The following FRMD4B variants were observed in gnomAD, a reference collection of about 807,000 sequenced individuals.
The protein encoded by FRMD4B is FERM domain containing 4B.
FRMD4B carries 74 observed loss-of-function variants against 141.5 expected under a neutral mutation model. The observed-to-expected ratio is 0.52, with a 90% CI of 0.43 to 0.63. The LOEUF (loss-of-function observed/expected upper bound fraction) is 0.63. Among genes scored for constraint, FRMD4B ranks in the 30% least tolerant of loss-of-function variants. The pLI is 0.00. For missense variants in FRMD4B, 1,366 were observed against 1,253.4 expected (o/e 1.09, Z -1.36); for synonymous variants, 506 against 467.9 (o/e 1.08, Z -1.05).
At chr3:69,289,258 T>C (rs1418225802) in intron 4 of FRMD4B, among the ~76,000 whole-genome samples, 2 of 152,360 alleles carry the variant, frequency 1.3e-5, no homozygotes, top group East Asian at 3.9e-4. Flanking sequence ...TGTGTCTTTT[T>C]TAAATTGAAT....
chr3:69,397,869 A>G (rs1698592583), intron 2 of FRMD4B, among the ~76,000 whole-genome samples: 1 of 152,212 alleles, frequency 6.6e-6, no homozygotes, highest in Non-Finnish European at 1.5e-5. Context: ...ACTATATGGC[A>G]TGTGAATTAT....
At chr3:69,380,014 T>C (rs1008954852) in intron 1 of FRMD4B, among the ~76,000 whole-genome samples, 2 of 152,250 alleles carry the variant, frequency 1.3e-5, no homozygotes, top group African/African-American at 4.8e-5. Flanking sequence ...GTATGAAATG[T>C]ACAAGGGCTC....
chr3:69,205,069 A>AAAAAAAG (rs1553700711), intron 11 of FRMD4B, among the ~76,000 whole-genome samples: 5 of 151,124 alleles, frequency 3.3e-5, no homozygotes, highest in African/African-American at 1.2e-4. Context: ...CAAAAAAAAA[A>AAAAAAAG]AAAAAGAAAA....
chr3:69,469,427 A>G (rs992033672), intron 1 of FRMD4B, among the ~76,000 whole-genome samples: 10 of 152,218 alleles, frequency 6.6e-5, no homozygotes, highest in African/African-American at 1.9e-4. Context: ...TTACTTAGAT[A>G]TAGGTAAAAC....
intron 4 of FRMD4B, among the ~76,000 whole-genome samples, chr3:69,297,852 T>G (rs762197408): frequency 6.6e-6 from 1 of 152,184 alleles, no homozygotes; most frequent in South Asian, 2.1e-4. Context: ...CCTAAATAAA[T>G]TATGGTGCGT....
chr3:69,194,125 GAGA>G (rs915614402), intron 16 of FRMD4B, among the ~76,000 whole-genome samples: 8 of 152,170 alleles, frequency 5.3e-5, no homozygotes, highest in African/African-American at 1.9e-4. Flanking sequence ...AGTTGGTTGG[GAGA>G]AGATCACAGT....
chr3:69,299,677 C>A (rs1312103246), intron 4 of FRMD4B, among the ~76,000 whole-genome samples: 2 of 152,232 alleles, frequency 1.3e-5, no homozygotes, highest in Non-Finnish European at 2.9e-5. Context: ...AAAAGTGCCA[C>A]CATAACCTAC....
At chr3:69,540,420 C>T (rs2107179505) in intron 1 of FRMD4B, among the ~76,000 whole-genome samples, 1 of 151,306 alleles carries the variant, frequency 6.6e-6, no homozygotes, top group African/African-American at 2.4e-5. Context: ...GGCGACCAGC[C>T]TGGCTAACGC....
chr3:69,392,133 G>A (rs926749928), intron 2 of FRMD4B, among the ~76,000 whole-genome samples: 14 of 152,152 alleles, frequency 9.2e-5, no homozygotes, highest in African/African-American at 3.1e-4. Flanking sequence ...AGAAAATTAC[G>A]TATTGAGTTC....
At chr3:69,477,083 A>G (rs186711220) in intron 1 of FRMD4B, among the ~76,000 whole-genome samples, 1 of 152,314 alleles carries the variant, frequency 6.6e-6, no homozygotes, top group East Asian at 1.9e-4. Context: ...GAGGTTGCTT[A>G]CCAGCTTAAG....
intron 5 of FRMD4B, among the ~76,000 whole-genome samples, chr3:69,265,304 A>G (rs2093555481): frequency 7.9e-6 from 1 of 126,414 alleles, no homozygotes; most frequent in African/African-American, 3.0e-5. Context: ...ATATATATAT[A>G]TATATATATA....
chr3:69,171,954 A>G lies in FRMD4B; in HGVS notation c.3012T>C (p.Asp1004=), dbSNP rs2092592212. 2 of 1,612,862 alleles carry G rather than the reference A, an allele frequency of 1.2e-6. No homozygotes were observed. ...SRQYTEISQL[D]GTDGNQLEDN... ...CTTCCAGCTGGTTTCCATCTGTACC[A>G]TCCAGTTGACTGATTTCTGTGTATT... Residue 1004 remains aspartate, a synonymous_variant, in exon 23 of 23, where the codon GAT becomes GAC. Transcript: ENST00000398540.
intron 5 of FRMD4B, among the ~76,000 whole-genome samples, chr3:69,285,403 A>T (rs989983537): frequency 1.4e-4 from 21 of 151,802 alleles, no homozygotes; most frequent in African/African-American, 5.1e-4. Flanking sequence ...AGGCCAAAAA[A>T]AAAAAAAAAA....
intron 5 of FRMD4B, among the ~76,000 whole-genome samples, chr3:69,259,156 G>A (rs867185325): frequency 2.0e-5 from 3 of 152,120 alleles, no homozygotes; most frequent in Non-Finnish European, 2.9e-5. Context: ...GGGAGACAGC[G>A]ACGGATCATC....
At chr3:69,227,778 G>T (rs1341519171) in intron 7 of FRMD4B, among the ~76,000 whole-genome samples, 1 of 152,080 alleles carries the variant, frequency 6.6e-6, no homozygotes, top group Non-Finnish European at 1.5e-5. Context: ...TGTAATGGTG[G>T]ATATATGACA....
chr3:69,215,072 G>A (rs2093126237), intron 11 of FRMD4B, among the ~76,000 whole-genome samples: 1 of 151,444 alleles, frequency 6.6e-6, no homozygotes, highest in South Asian at 2.1e-4. Context: ...TAGAGACGGG[G>A]TTTCACCTTG....
rs142146124 is a variant in FRMD4B at position 69,318,419 on chromosome 3, G to A, written c.163-4902C>T. On this transcript the variant is annotated intron_variant, in intron 1 of 22. Coordinates refer to ENST00000398540, the MANE Select transcript of FRMD4B (RefSeq NM_015123.3). ...GTCATCTACTCATAATCACTGAGGCGCCCATCGATGACAATACAACAACCA... is the reference window on the plus strand; with the variant it reads ...GTCATCTACTCATAATCACTGAGGCACCCATCGATGACAATACAACAACCA... Among the ~76,000 whole-genome samples the A allele has an allele frequency of 1.0e-3, 153 of 152,250 alleles. 1 individual carries two copies. Among genetic ancestry groups the A allele is most frequent in the African/African-American group, 3.4e-3 (142 of 41,550 alleles).
Position 69,456,222 on chromosome 3 carries a change from T to C in FRMD4B, c.-128-23461A>G, listed in dbSNP as rs9852497. ...TGACACTTTCATTTCACTTTGTCAA[T>C]TCATGAAACTCAAAGTGTTTGCACA... On this transcript the variant is annotated intron_variant, in intron 1 of 5. Coordinates refer to the FRMD4B transcript ENST00000459638. 7.5e-3 allele frequency among the ~76,000 whole-genome samples: 1,093 copies of C among 146,606 alleles called. 15 individuals carry two copies. Among genetic ancestry groups the C allele is most frequent in the African/African-American group, 0.027 (1,049 of 38,894 alleles).
At chr3:69,470,546 C>T (rs1423894863) in intron 1 of FRMD4B, among the ~76,000 whole-genome samples, 9 of 152,074 alleles carry the variant, frequency 5.9e-5, no homozygotes, top group African/African-American at 2.2e-4. Context: ...AAGAAAGTTA[C>T]TTGTGGTCTT....
Sources: allele counts gnomAD v4.1 joint callset (sites outside exome capture counted in the v4.1 genomes callset), GRCh38; gene constraint gnomAD v4.1.1; transcripts MANE v1.5; gene names NCBI Gene and HGNC (gene_info 2026-07-23, HGNC 2026-07-21).